The following CEP152 variants were observed in gnomAD, a reference collection of about 807,000 sequenced individuals.
CEP152 encodes the protein centrosomal protein of 152 kDa.
In CEP152, 132 loss-of-function variants were observed where a neutral mutation model predicts 188.9. The ratio of observed to expected loss-of-function variants is 0.70; its 90% CI spans 0.61 to 0.81. CEP152 has a LOEUF of 0.81. Among genes scored for constraint, CEP152 ranks in the 30% least tolerant of loss-of-function variants. The pLI is 0.00. For missense variants in CEP152, 1,914 were observed against 1,969.8 expected (o/e 0.97, Z 0.54); for synonymous variants, 649 against 666.6 (o/e 0.97, Z 0.41).
Position 48,768,929 on chromosome 15 carries a change from TAA to T in CEP152, c.1908+25_1908+26del, listed in dbSNP as rs144196707. On this transcript the variant is annotated intron_variant, in intron 14 of 26. Transcript: ENST00000380950. ...TTTAATGAGGAAATAAAAATTCTCA[TAA>T]AATATAAAAAATATTTTTAATCACC... 2.0e-3 allele frequency: 2,880 copies of T among 1,416,486 alleles called. 94 individuals carry two copies. In the East Asian group the frequency reaches 0.068, roughly 34 times the overall value. The allele number at this position is 1,416,486 out of a possible 1,614,324, so 87.7% of individuals were successfully genotyped here.
chr15:48,732,676 GA>G (rs1202520478), intron 2 of CEP152, among the ~76,000 whole-genome samples: 2 of 143,862 alleles, frequency 1.4e-5, no homozygotes, highest in African/African-American at 2.6e-5. Flanking sequence ...TAGAGTAAAG[GA>G]AAAAAAAAGA....
At chr15:48,758,648 G>C (rs1246110533) in intron 19 of CEP152, among the ~76,000 whole-genome samples, 2 of 146,346 alleles carry the variant, frequency 1.4e-5, no homozygotes. Context: ...GAACCCAGGA[G>C]GTAGAGGTTG....
chr15:48,794,123 A>G (rs1478862194), intron 6 of CEP152, among the ~76,000 whole-genome samples: 3 of 152,170 alleles, frequency 2.0e-5, no homozygotes, highest in Non-Finnish European at 4.4e-5. Context: ...GGTTCACTAG[A>G]AGTCAAACCC....
chr15:48,736,405 A>G (rs1266196884), downstream of CEP152, among the ~76,000 whole-genome samples: 1 of 152,164 alleles, frequency 6.6e-6, no homozygotes, highest in Admixed American at 6.5e-5. Context: ...AAAATAAAAT[A>G]AAAATCCAGC....
At chr15:48,736,529 C>T (rs1186203588), downstream of CEP152, among the ~76,000 whole-genome samples, 1 of 152,142 alleles carries the variant, frequency 6.6e-6, no homozygotes, top group Non-Finnish European at 1.5e-5. Flanking sequence ...CAATGTACAC[C>T]ACTAGTCATA....
At chr15:48,789,340 A>G (rs7170604) in intron 8 of CEP152, 11,870 of 344,798 alleles carry the variant, frequency 0.034, 257 homozygotes, top group South Asian at 0.055. Flanking sequence ...GCATTGCTCT[A>G]TGACCAAAGT....
rs750426510 is a variant in CEP152, at chr15:48,797,575, T to A, written c.266A>T (p.Tyr89Phe). 1 of 1,614,136 alleles carries A rather than the reference T, an allele frequency of 6.2e-7. No individual in the cohort carries two copies. Among genetic ancestry groups the A allele is most frequent in the East Asian group, 2.2e-5 (1 of 44,868 alleles). Residue 89 changes from tyrosine to phenylalanine, a missense_variant, in exon 5 of 27, where the codon TAT becomes TTT. By Grantham distance (22) the Tyr-to-Phe change is conservative. Transcript: ENST00000380950. The part of the protein sequence containing the change: ...MLPKSQSVNG[Y>F]NEIQSLYAGE... ...AGCATATAAACTCTGAATTTCATTA[T>A]AGCCCTATTAGATAACAAGAGTAAA...
chr15:48,755,588 T>G (rs1037163634), intron 20 of CEP152, among the ~76,000 whole-genome samples: 2 of 152,170 alleles, frequency 1.3e-5, no homozygotes, highest in African/African-American at 4.8e-5. Flanking sequence ...CATGGTGGTT[T>G]GCTGCACCTA....
Position 48,756,537 on chromosome 15 carries a change from G to T in CEP152, c.2711C>A (p.Ser904Tyr). 6.2e-7 allele frequency: 1 copy of T among 1,606,246 alleles called. No individual in the cohort carries two copies. The highest frequency in any genetic ancestry group is 1.1e-5 in the South Asian group (1 of 91,018). The change falls in exon 20 of 27, where the codon TCT becomes TAT. Residue 904 changes from serine (S) to tyrosine (Y), a missense_variant. Ser to Tyr is a moderately radical substitution (Grantham distance 144). Transcript: ENST00000380950. ...SVNKRISFAV[S>Y]EAKEKWKSEL... ...ACTCTTCCATTTCTCTTTAGCTTCAGAAACAGCAAATGATATCTAAAGAAC... is the reference window on the plus strand; with the variant it reads ...ACTCTTCCATTTCTCTTTAGCTTCATAAACAGCAAATGATATCTAAAGAAC...
intron 5 of CEP152, among the ~76,000 whole-genome samples, chr15:48,796,615 A>T (rs1897316928): frequency 6.6e-6 from 1 of 152,178 alleles, no homozygotes; most frequent in Admixed American, 6.5e-5. Context: ...GAATAATAAC[A>T]TTCTACGGAG....
At position 48,756,414 on chromosome 15, in the gene CEP152, ACTT is replaced by A. The variant is rs779662026; in HGVS notation, c.2831_2833del (p.Glu944del). 9 of 1,613,266 alleles carry A rather than the reference ACTT, an allele frequency of 5.6e-6. No homozygotes were observed. The highest frequency in any genetic ancestry group is 5.3e-5 in the African/African-American group (4 of 74,966). On this transcript the variant is annotated inframe_deletion, in exon 20 of 27. Transcript: ENST00000380950. ...TAACTCAGCCCTGATGACCACAGGG[ACTT>A]CTTCGTTCTTTAACTCAAGTTCCTT...
chr15:48,779,034 A>C (rs1301285393), intron 12 of CEP152, among the ~76,000 whole-genome samples: 1 of 152,216 alleles, frequency 6.6e-6, no homozygotes, highest in Non-Finnish European at 1.5e-5. Context: ...ATATGTTTTA[A>C]TAGACATCAT....
downstream of CEP152, among the ~76,000 whole-genome samples, chr15:48,733,009 T>G (rs1204745583): frequency 2.0e-5 from 3 of 152,076 alleles, no homozygotes; most frequent in African/African-American, 4.8e-5. Context: ...GAGGATCACT[T>G]GAGCCCAGGA....
rs1897284010 is a variant in CEP152, at chr15:48,796,251, AACTT to A, written c.541-95_541-92del. The stretch of plus-strand genomic sequence containing the variant: ...CACCTAAATTAATGTTACGTTACAG[AACTT>A]ACTTTTGGTACAGTTCAAAGTTGTT... On this transcript the variant is annotated intron_variant, in intron 5 of 26. Transcript: ENST00000380950. 5 of 1,460,924 alleles carry A rather than the reference AACTT, an allele frequency of 3.4e-6. No homozygotes were observed. The South Asian group carries it at 5.7e-5, about 17-fold the overall frequency. 90.5% of individuals were successfully genotyped at this position (1,460,924 alleles called of 1,614,324 possible).
At chr15:48,743,034 T>TA (rs1220208365) in intron 24 of CEP152, among the ~76,000 whole-genome samples, 2 of 152,150 alleles carry the variant, frequency 1.3e-5, no homozygotes, top group Non-Finnish European at 2.9e-5. Flanking sequence ...ACCAACTTTC[T>TA]AAAAAATAAC....
intron 26 of CEP152, chr15:48,740,936 T>C: frequency 2.8e-6 from 2 of 725,000 alleles, no homozygotes; most frequent in Non-Finnish European, 3.4e-6. Flanking sequence ...CACCAACTAA[T>C]TACCCCATTC....
chr15:48,793,245 G>C (rs1452925299), intron 7 of CEP152, 76 bp downstream of exon 7: 6 of 1,549,924 alleles, frequency 3.9e-6, no homozygotes, highest in Admixed American at 1.7e-5. Flanking sequence ...TCTAAGCTTC[G>C]TATGTAATCT....
In CEP152 at chr15:48,738,129, T is replaced by C. The variant is rs994698589; in HGVS notation, c.*120A>G. 8.7e-6 allele frequency: 9 copies of C among 1,033,528 alleles called. No individual in the cohort carries two copies. Among genetic ancestry groups the C allele is most frequent in the East Asian group, 5.2e-5 (2 of 38,260 alleles). The allele number at this position is 1,033,528 out of a possible 1,614,324, so 64.0% of individuals were successfully genotyped here. A position where few individuals can be genotyped will look rare whatever the true frequency, so the allele number is the denominator to read the frequency against. ...CAATTTTAGAAGAATGCTTTACTTA[T>C]ATAACAGATGTTATTAAAACATCTC... On this transcript the variant is annotated 3_prime_UTR_variant, in exon 27 of 27. Coordinates refer to ENST00000380950, the MANE Select transcript of CEP152 (RefSeq NM_001194998.2).
intron 18 of CEP152, among the ~76,000 whole-genome samples, chr15:48,761,600 T>C (rs1054005864): frequency 6.6e-6 from 1 of 152,204 alleles, no homozygotes; most frequent in Admixed American, 6.5e-5. Flanking sequence ...GTCATTGTTC[T>C]GACAGTCAGT....
Sources: gnomAD v4.1 joint callset for allele counts (sites outside exome capture counted in the v4.1 genomes callset) on GRCh38, gnomAD v4.1.1 for gene constraint, MANE v1.5 for transcripts, NCBI Gene and HGNC (gene_info 2026-07-23, HGNC 2026-07-21) for gene names.